The following KCNK1 variants were observed in gnomAD, a reference collection of about 807,000 sequenced individuals.
KCNK1 encodes the protein potassium two pore domain channel subfamily K member 1, also known as potassium channel subfamily K member 1.
A neutral mutation model predicts 22.2 loss-of-function variants in KCNK1; 10 were observed. That is an observed-to-expected ratio of 0.45 (90% CI 0.28 to 0.76). KCNK1 has a LOEUF of 0.76. Ranked by LOEUF, KCNK1 falls within the 30% of genes least tolerant of loss-of-function variation. KCNK1 has a pLI of 0.14. For missense variants in KCNK1, 378 were observed against 421.0 expected (o/e 0.90, Z 0.89); for synonymous variants, 200 against 186.4 (o/e 1.07, Z -0.60).
chr1:233,652,536 A>G (rs1476724285), intron 1 of KCNK1, among the ~76,000 whole-genome samples: 2 of 152,256 alleles, frequency 1.3e-5, no homozygotes, highest in East Asian at 1.9e-4. Flanking sequence ...CCTTTAAAGC[A>G]TAACATACCG....
At chr1:233,641,967 T>G (rs1658007175) in intron 1 of KCNK1, among the ~76,000 whole-genome samples, 1 of 152,190 alleles carries the variant, frequency 6.6e-6, no homozygotes. Flanking sequence ...TATCAGTTCC[T>G]CTGGTGTCAT....
chr1:233,646,512 G>A (rs972857502), intron 1 of KCNK1, among the ~76,000 whole-genome samples: 3 of 151,956 alleles, frequency 2.0e-5, no homozygotes, highest in African/African-American at 4.8e-5. Flanking sequence ...CAAGGTGGCC[G>A]CAGTTTTGGT....
At chr1:233,646,205 A>C (rs976737932) in intron 1 of KCNK1, among the ~76,000 whole-genome samples, 4 of 152,104 alleles carry the variant, frequency 2.6e-5, no homozygotes, top group African/African-American at 7.2e-5. Flanking sequence ...GTAAGTTAGG[A>C]GTCATTTGTG....
intron 1 of KCNK1, chr1:233,631,609 G>A (rs902303012): frequency 4.0e-5 from 10 of 251,220 alleles, no homozygotes; most frequent in Non-Finnish European, 7.1e-5. Context: ...TACTCTGCAA[G>A]TCTAAAAATG....
intron 2 of KCNK1, among the ~76,000 whole-genome samples, chr1:233,667,603 G>A (rs1467905031): frequency 6.6e-6 from 1 of 151,178 alleles, no homozygotes; most frequent in Non-Finnish European, 1.5e-5. Context: ...GGTAGCGGGC[G>A]CCTGTAGTCC....
chr1:233,648,837 G>T (rs943357326), intron 1 of KCNK1, among the ~76,000 whole-genome samples: 11 of 152,144 alleles, frequency 7.2e-5, no homozygotes, highest in Non-Finnish European at 1.2e-4. Flanking sequence ...AAAGTGCTGG[G>T]ATTATAGGCG....
chr1:233,651,940 G>C (rs1327382989), intron 1 of KCNK1, among the ~76,000 whole-genome samples: 1 of 152,196 alleles, frequency 6.6e-6, no homozygotes, highest in Non-Finnish European at 1.5e-5. Context: ...TCATGGAATT[G>C]GGAACAGGAA....
intron 1 of KCNK1, among the ~76,000 whole-genome samples, chr1:233,620,580 A>G (rs1200347874): frequency 6.6e-6 from 1 of 152,212 alleles, no homozygotes. Context: ...TGCAATAAAT[A>G]CTAAATTATA....
At chr1:233,667,858 G>A (rs1217118075) in intron 2 of KCNK1, among the ~76,000 whole-genome samples, 2 of 151,722 alleles carry the variant, frequency 1.3e-5, no homozygotes, top group Admixed American at 6.6e-5. Context: ...CGGATAGAGC[G>A]TGTTATCAAT....
At chr1:233,654,054 T>TA (rs1395719931) in intron 1 of KCNK1, among the ~76,000 whole-genome samples, 1 of 152,038 alleles carries the variant, frequency 6.6e-6, no homozygotes, top group Non-Finnish European at 1.5e-5. Context: ...AGGAGAGCTA[T>TA]AAAGAAAGCC....
In KCNK1 at chr1:233,631,404, G is replaced by T. The variant is rs1371329172; in HGVS notation, c.355+16878G>T. ...TCTTTGTGTTTCTCTTTAATGATAG[G>T]ATTTTAAGCTCAACGGTTATCAGCT... On this transcript the variant is annotated intron_variant, in intron 1 of 2. Transcript: ENST00000366621. The T allele has an allele frequency of 2.1e-5, 9 of 438,602 alleles. No individual in the cohort carries two copies. The East Asian group carries it at 6.3e-4, about 31-fold the overall frequency. The allele number at this position is 438,602 out of a possible 1,614,324, so 27.2% of individuals were successfully genotyped here. A position where few individuals can be genotyped will look rare whatever the true frequency, so the allele number is the denominator to read the frequency against.
chr1:233,633,213 G>A (rs996598498), intron 1 of KCNK1, among the ~76,000 whole-genome samples: 3 of 150,090 alleles, frequency 2.0e-5, no homozygotes, highest in African/African-American at 4.9e-5. Context: ...TCCCATACTA[G>A]ATGGATTTGC....
intron 1 of KCNK1, among the ~76,000 whole-genome samples, chr1:233,629,109 C>T (rs1657745376): frequency 6.6e-6 from 1 of 152,136 alleles, no homozygotes; most frequent in African/African-American, 2.4e-5. Context: ...TTAAAAAATA[C>T]TGTAAAGGGA....
At chr1:233,657,063 A>G (rs1170848047) in intron 1 of KCNK1, among the ~76,000 whole-genome samples, 1 of 152,174 alleles carries the variant, frequency 6.6e-6, no homozygotes, top group Non-Finnish European at 1.5e-5. Context: ...GTAAGAAAAT[A>G]TTAAAGGGAA....
At chr1:233,629,233 C>T (rs191277642) in intron 1 of KCNK1, among the ~76,000 whole-genome samples, 61 of 152,172 alleles carry the variant, frequency 4.0e-4, no homozygotes, top group African/African-American at 1.4e-3. Flanking sequence ...TATGGGACCC[C>T]ATGGTAATTG....
chr1:233,636,868 G>A, intron 1 of KCNK1, among the ~76,000 whole-genome samples: 1 of 152,136 alleles, frequency 6.6e-6, no homozygotes, highest in East Asian at 1.9e-4. Context: ...GCAGTAGGTG[G>A]CAGGGAAGTG....
intron 1 of KCNK1, among the ~76,000 whole-genome samples, chr1:233,643,016 A>G (rs1020713564): frequency 6.7e-6 from 1 of 148,752 alleles, no homozygotes; most frequent in African/African-American, 2.5e-5. Context: ...TTTTGACCTC[A>G]GGTGATCCAC....
chr1:233,625,190 T>G (rs1430882491), intron 1 of KCNK1, among the ~76,000 whole-genome samples: 1 of 152,168 alleles, frequency 6.6e-6, no homozygotes, highest in Non-Finnish European at 1.5e-5. Context: ...CAAAAGGGAA[T>G]GATCTAAATC....
intron 1 of KCNK1, among the ~76,000 whole-genome samples, chr1:233,636,763 G>GA (rs1657905164): frequency 2.9e-5 from 1 of 34,996 alleles, no homozygotes; most frequent in African/African-American, 1.4e-4. Context: ...GATCCCTCTA[G>GA]GACAAGGGAT....
Sources: allele counts gnomAD v4.1 joint callset (sites outside exome capture counted in the v4.1 genomes callset), GRCh38; gene constraint gnomAD v4.1.1; transcripts MANE v1.5; gene names NCBI Gene and HGNC (gene_info 2026-07-23, HGNC 2026-07-21).